GRID1: variants seen among roughly 807,000 people sequenced by gnomAD.
GRID1 encodes glutamate ionotropic receptor delta type subunit 1.
GRID1 carries 28 observed loss-of-function variants against 98.0 expected under a neutral mutation model. The observed-to-expected ratio is 0.29, with a 90% CI of 0.21 to 0.39. The LOEUF (loss-of-function observed/expected upper bound fraction) is 0.39. Ranked by LOEUF, GRID1 falls within the 10% of genes least tolerant of loss-of-function variation. GRID1 has a pLI of 1.00. For missense variants in GRID1, 1,111 were observed against 1,340.5 expected (o/e 0.83, Z 2.67); for synonymous variants, 553 against 538.5 (o/e 1.03, Z -0.37).
chr10:86,287,567 C>T (rs890928930), intron 2 of GRID1, among the ~76,000 whole-genome samples: 3 of 152,222 alleles, frequency 2.0e-5, no homozygotes, highest in Non-Finnish European at 2.9e-5. Flanking sequence ...CAACCTGCCA[C>T]GTTGGGTCCT....
chr10:86,140,280 T>G (rs1252481136), intron 3 of GRID1, among the ~76,000 whole-genome samples: 1 of 152,228 alleles, frequency 6.6e-6, no homozygotes, highest in African/African-American at 2.4e-5. Flanking sequence ...CAAGCTGCAC[T>G]GTCCCCATGC....
At chr10:85,768,016 C>T (rs765821706) in intron 8 of GRID1, among the ~76,000 whole-genome samples, 14 of 152,106 alleles carry the variant, frequency 9.2e-5, no homozygotes, top group Non-Finnish European at 1.5e-4. Context: ...TTAAGAGATG[C>T]ATAGTAATCC....
At chr10:86,118,430 A>G (rs951112994) in intron 4 of GRID1, among the ~76,000 whole-genome samples, 1 of 152,142 alleles carries the variant, frequency 6.6e-6, no homozygotes, top group Non-Finnish European at 1.5e-5. Flanking sequence ...AATCACCACT[A>G]AAGAATTTAT....
At chr10:86,138,749 G>T in intron 4 of GRID1, 70 bp downstream of exon 4, 4 of 1,276,558 alleles carry the variant, frequency 3.1e-6, no homozygotes, top group Non-Finnish European at 4.5e-6. Flanking sequence ...GTGCCCTGCA[G>T]CCCACCTGAA....
Position 85,631,985 on chromosome 10 carries a change from G to GCACACA in GRID1, c.2194-11958_2194-11953dup, listed in dbSNP as rs10634848. Among the ~76,000 whole-genome samples, 1,306 of 147,830 alleles carry GCACACA rather than the reference G, an allele frequency of 8.8e-3. 19 individuals are homozygous for GCACACA. The highest frequency in any genetic ancestry group is 0.03 in the African/African-American group (1,223 of 40,528). Reference sequence around the variant, plus strand: ...CCCTGTGTGCCATGTAAACACATATGCACACACACACACACACACACACAC... The same window carrying GCACACA: ...CCCTGTGTGCCATGTAAACACATATGCACACACACACACACACACACACACACACAC... On this transcript the variant is annotated intron_variant, in intron 13 of 15. Coordinates refer to ENST00000327946, the MANE Select transcript of GRID1 (RefSeq NM_017551.3).
chr10:86,073,738 T>C (rs1253938207), intron 4 of GRID1, among the ~76,000 whole-genome samples: 2 of 152,142 alleles, frequency 1.3e-5, no homozygotes, highest in Non-Finnish European at 2.9e-5. Flanking sequence ...TGATGAAACA[T>C]CATCACTTGG....
At chr10:86,351,943 C>A (rs531686254) in intron 2 of GRID1, among the ~76,000 whole-genome samples, 6 of 152,356 alleles carry the variant, frequency 3.9e-5, no homozygotes, top group Non-Finnish European at 8.8e-5. Context: ...CAGGAAGGAA[C>A]ACTGAGGCTC....
At chr10:86,173,407 T>C (rs901958553) in intron 3 of GRID1, among the ~76,000 whole-genome samples, 4 of 152,228 alleles carry the variant, frequency 2.6e-5, no homozygotes, top group Admixed American at 1.3e-4. Context: ...CCTTACTATC[T>C]TCCAATATCC....
At chr10:85,656,814 GTCTC>G (rs1415234176) in intron 12 of GRID1, among the ~76,000 whole-genome samples, 1 of 152,134 alleles carries the variant, frequency 6.6e-6, no homozygotes, top group African/African-American at 2.4e-5. Context: ...CATTGAGATA[GTCTC>G]TCTAAGAATC....
In GRID1 at chr10:86,310,404, C is replaced by T. The variant is rs183402545; in HGVS notation, c.235+53537G>A. Among the ~76,000 whole-genome samples the T allele has an allele frequency of 3.5e-3, 529 of 152,258 alleles. 2 individuals are homozygous for T. The highest frequency in any genetic ancestry group is 0.012 in the African/African-American group (508 of 41,542). ...CTCCATCCCCAGCACTTTCACCAGA[C>T]CAGCATCTGTCATGGTGGTCCCCAG... On this transcript the variant is annotated intron_variant, in intron 2 of 15. Transcript: ENST00000327946.
chr10:86,307,908 C>T (rs1014401451), intron 2 of GRID1, among the ~76,000 whole-genome samples: 1 of 152,156 alleles, frequency 6.6e-6, no homozygotes, highest in Non-Finnish European at 1.5e-5. Context: ...TGTTTGTGCA[C>T]TAAACATGAG....
intron 4 of GRID1, among the ~76,000 whole-genome samples, chr10:86,040,183 G>T (rs568629435): frequency 6.6e-6 from 1 of 152,230 alleles, no homozygotes; most frequent in Admixed American, 6.5e-5. Flanking sequence ...AAAACAGTAT[G>T]CAGTTTCCTC....
chr10:85,680,417 T>C (rs535111622), intron 12 of GRID1, among the ~76,000 whole-genome samples: 1 of 152,170 alleles, frequency 6.6e-6, no homozygotes, highest in Non-Finnish European at 1.5e-5. Context: ...GGCCAACTCC[T>C]GATGGAAACT....
intron 5 of GRID1, among the ~76,000 whole-genome samples, chr10:85,901,982 G>A (rs1841395745): frequency 6.6e-6 from 1 of 152,194 alleles, no homozygotes; most frequent in Non-Finnish European, 1.5e-5. Context: ...AATAGGGTTT[G>A]TTTCCTTCTG....
rs141800206 is a variant in GRID1, at chr10:86,170,570, C to A, written c.521-31546G>T. Among the ~76,000 whole-genome samples, 292 of 152,310 alleles carry A rather than the reference C, an allele frequency of 1.9e-3. 2 individuals carry two copies. The highest frequency in any genetic ancestry group is 6.6e-3 in the African/African-American group (273 of 41,570). On this transcript the variant is annotated intron_variant, in intron 3 of 15. Transcript: ENST00000327946. Reference sequence around the variant, plus strand: ...CTTTAGGAGGGTCCCCACTTTGCTCCCCAAGGGACCAGTGAACCACAAAGA... The same window carrying A: ...CTTTAGGAGGGTCCCCACTTTGCTCACCAAGGGACCAGTGAACCACAAAGA...
intron 4 of GRID1, among the ~76,000 whole-genome samples, chr10:86,132,076 G>A (rs1376007305): frequency 6.6e-6 from 1 of 152,184 alleles, no homozygotes; most frequent in African/African-American, 2.4e-5. Context: ...GAGGCAGCAG[G>A]CTCTGAGGGA....
At chr10:86,121,272 T>C (rs1844661004) in intron 4 of GRID1, among the ~76,000 whole-genome samples, 1 of 150,810 alleles carries the variant, frequency 6.6e-6, no homozygotes, top group African/African-American at 2.5e-5. Context: ...AAGTTGCAAT[T>C]TCATTCTGCA....
chr10:85,621,405 G>A (rs779883175), intron 13 of GRID1, among the ~76,000 whole-genome samples: 5 of 152,178 alleles, frequency 3.3e-5, no homozygotes, highest in Non-Finnish European at 7.3e-5. Flanking sequence ...TGTCCACTGA[G>A]ACTTTCCAAA....
intron 12 of GRID1, among the ~76,000 whole-genome samples, chr10:85,659,357 G>A (rs559714749): frequency 2.0e-4 from 30 of 152,316 alleles, no homozygotes; most frequent in African/African-American, 6.5e-4. Flanking sequence ...AAATAGAGGA[G>A]TGGTTGTGAG....
Sources: gnomAD v4.1 joint callset for allele counts (sites outside exome capture counted in the v4.1 genomes callset) on GRCh38, gnomAD v4.1.1 for gene constraint, MANE v1.5 for transcripts, NCBI Gene and HGNC (gene_info 2026-07-23, HGNC 2026-07-21) for gene names.